Variants in DDX60L observed in about 807,000 individuals in gnomAD.
DDX60L encodes the protein DExD/H-box 60 like.
Under a neutral mutation model 211.6 loss-of-function variants are expected in DDX60L, and 191 were observed. The observed-to-expected ratio is 0.90, with a 90% CI of 0.80 to 1.02. The LOEUF (loss-of-function observed/expected upper bound fraction) is 1.02, where lower values mean the gene tolerates loss of function less well. Ranked by LOEUF, DDX60L falls within the 50% of genes least tolerant of loss-of-function variation. The pLI is 0.00. For synonymous variants in DDX60L, 706 were observed against 694.1 expected, an observed-to-expected ratio of 1.02 and a Z score of -0.27; for missense variants, 2,007 against 1,984.1, an observed-to-expected ratio of 1.01 and a Z score of -0.22.
At chr4:168,417,906 C>T (rs1749847457) in intron 19 of DDX60L, among the ~76,000 whole-genome samples, 16 of 152,192 alleles carry the variant, frequency 1.1e-4, no homozygotes, top group Admixed American at 1.0e-3. Context: ...CATATCCCTT[C>T]TGACTTTGAT....
chr4:168,362,063 G>A (rs1378256212), intron 36 of DDX60L, among the ~76,000 whole-genome samples: 1 of 152,238 alleles, frequency 6.6e-6, no homozygotes, highest in African/African-American at 2.4e-5. Flanking sequence ...CAGGTGGCCA[G>A]GCCACTGCAC....
At position 168,465,454 on chromosome 4, in the gene DDX60L, C is replaced by T. The variant is rs376385432; in HGVS notation, c.265-3414G>A. On this transcript the variant is annotated intron_variant, in intron 4 of 37. Transcript: ENST00000682922. ...TTCCCATTCTGAAGGTGTCTCTTTA[C>T]TCTGTTGATTATTTCCTTTCCTGTG... is the stretch of plus-strand genomic sequence containing the variant. Among the ~76,000 whole-genome samples the T allele has an allele frequency of 5.9e-5, 9 of 152,156 alleles. No individual in the cohort carries two copies. The East Asian group carries it at 1.2e-3, about 20-fold the overall frequency.
At chr4:168,442,174 G>C (rs1198100842) in intron 9 of DDX60L, among the ~76,000 whole-genome samples, 1 of 152,148 alleles carries the variant, frequency 6.6e-6, no homozygotes, top group Non-Finnish European at 1.5e-5. Context: ...AGCAGGGCGA[G>C]GCATTGCCTC....
Position 168,454,066 on chromosome 4 carries a change from C to T in DDX60L, c.838-784G>A, listed in dbSNP as rs190960717. Among the ~76,000 whole-genome samples the T allele has an allele frequency of 8.7e-4, 132 of 152,178 alleles. 1 individual carries two copies. The highest frequency in any genetic ancestry group is 2.7e-3 in the South Asian group (13 of 4,822). ...AGAAATCAGCTTTTATACCCAGAAC[C>T]CTATGATGGGTGCTATTCACACTCC... On this transcript the variant is annotated intron_variant, in intron 7 of 37. Transcript: ENST00000682922.
At chr4:168,428,324 G>A (rs1245156071) in intron 13 of DDX60L, among the ~76,000 whole-genome samples, 1 of 152,046 alleles carries the variant, frequency 6.6e-6, no homozygotes, top group Non-Finnish European at 1.5e-5. Flanking sequence ...AACCTACAGT[G>A]TAATCAGTGA....
At position 168,447,665 on chromosome 4, in the gene DDX60L, G is replaced by A. The variant is rs1487004191; in HGVS notation, c.1138+973C>T. ...ATGATAGACTGGATTAAGAAAATGC[G>A]GCACATATACACCATGGAATACTAT... is the stretch of plus-strand genomic sequence containing the variant. On this transcript the variant is annotated intron_variant, in intron 9 of 37. Transcript: ENST00000682922. Among the ~76,000 whole-genome samples the A allele has an allele frequency of 1.4e-4, 21 of 151,170 alleles. No individual in the cohort carries two copies. The East Asian group carries it at 3.1e-3, about 22-fold the overall frequency.
intron 36 of DDX60L, 56 bp downstream of exon 36, chr4:168,371,555 TA>T: frequency 1.0e-6 from 1 of 980,554 alleles, no homozygotes; most frequent in Non-Finnish European, 1.5e-6. Flanking sequence ...TATACAATAA[TA>T]AAACATAGAT....
At chr4:168,400,623 C>T (rs758692049) in intron 26 of DDX60L, among the ~76,000 whole-genome samples, 22 of 152,116 alleles carry the variant, frequency 1.4e-4, no homozygotes, top group Non-Finnish European at 2.9e-4. Context: ...CCCACCTCCC[C>T]GATTCCTAAA....
intron 36 of DDX60L, among the ~76,000 whole-genome samples, chr4:168,367,427 A>G (rs1341878863): frequency 6.6e-6 from 1 of 152,200 alleles, no homozygotes; most frequent in Non-Finnish European, 1.5e-5. Flanking sequence ...ACCTTCTGCC[A>G]TGATGGTAAG....
In DDX60L at chr4:168,379,515, G is replaced by A. The variant is rs1199338300; in HGVS notation, c.4222-11C>T. On this transcript the variant is annotated splice_polypyrimidine_tract_variant and intron_variant, in intron 31 of 37. Coordinates refer to ENST00000682922, the MANE Select transcript of DDX60L (RefSeq NM_001012967.3). ...TTTATTTAAATAGTCCTAAAAATGAGAAACAAAAAGTTGATTTAACTTGTC... is the reference window on the plus strand; with the variant it reads ...TTTATTTAAATAGTCCTAAAAATGAAAAACAAAAAGTTGATTTAACTTGTC... 6.5e-7 allele frequency: 1 copy of A among 1,535,688 alleles called. No homozygotes were observed. The highest frequency in any genetic ancestry group is 2.3e-5 in the Admixed American group (1 of 43,418).
chr4:168,379,609 A>C, intron 31 of DDX60L, 105 bp from the exon 32 acceptor site: 10 of 1,187,668 alleles, frequency 8.4e-6, no homozygotes, highest in Non-Finnish European at 1.2e-5. Context: ...ATTTATTAAT[A>C]AATGATAAGT....
chr4:168,432,323 T>G (rs1471664831), intron 12 of DDX60L, 132 bp downstream of exon 12: 2 of 207,248 alleles, frequency 9.7e-6, no homozygotes, highest in African/African-American at 4.8e-5. Context: ...AAAATATATA[T>G]TATATATAAT....
intron 13 of DDX60L, among the ~76,000 whole-genome samples, chr4:168,428,278 T>A (rs1400958583): frequency 6.6e-6 from 1 of 152,064 alleles, no homozygotes; most frequent in Non-Finnish European, 1.5e-5. Flanking sequence ...GACCCTTAAA[T>A]AGCTCTAGGA....
intron 32 of DDX60L, among the ~76,000 whole-genome samples, chr4:168,378,814 T>C (rs1742419365): frequency 6.6e-6 from 1 of 152,126 alleles, no homozygotes; most frequent in African/African-American, 2.4e-5. Flanking sequence ...TATAAACATA[T>C]CCCTCCTTTA....
intron 14 of DDX60L, among the ~76,000 whole-genome samples, chr4:168,426,590 C>A (rs1002162868): frequency 2.6e-5 from 4 of 152,202 alleles, no homozygotes; most frequent in Non-Finnish European, 5.9e-5. Context: ...CAAGCCTGTT[C>A]ACTATACAAA....
rs1286638338 is a variant in DDX60L at position 168,421,921 on chromosome 4, A to G, written c.2245-12T>C. On this transcript the variant is annotated splice_polypyrimidine_tract_variant and intron_variant, in intron 16 of 37. Coordinates refer to ENST00000682922, the MANE Select transcript of DDX60L (RefSeq NM_001012967.3). ...TCCAGGAGTTCCTGCTGCAGGGTAC[A>G]AAGCACCATTTGTGTCAAGAAAGTG... is the stretch of plus-strand genomic sequence containing the variant. The G allele has an allele frequency of 1.2e-6, 2 of 1,614,046 alleles. No individual in the cohort carries two copies. The highest frequency in any genetic ancestry group is 1.7e-6 in the Non-Finnish European group (2 of 1,179,934).
intron 13 of DDX60L, among the ~76,000 whole-genome samples, chr4:168,430,014 A>C (rs1752103465): frequency 6.6e-6 from 1 of 152,180 alleles, no homozygotes; most frequent in Non-Finnish European, 1.5e-5. Flanking sequence ...CCTGGCCAAC[A>C]GGAAGAAACC....
At chr4:168,359,030 T>A (rs1738655444) in intron 37 of DDX60L, among the ~76,000 whole-genome samples, 1 of 152,242 alleles carries the variant, frequency 6.6e-6, no homozygotes, top group Non-Finnish European at 1.5e-5. Flanking sequence ...CCTATCCATA[T>A]ATCTTAGGAT....
rs2634973 is a variant in DDX60L at position 168,421,864 on chromosome 4, C to T, written c.2290G>A (p.Val764Ile). 274 of 1,614,180 alleles carry T rather than the reference C, an allele frequency of 1.7e-4. No homozygotes were observed. In the African/African-American group the frequency reaches 3.2e-3, roughly 19 times the overall value. The part of the protein sequence containing the change: ...VVDKNESAVI[V>I]APTSSGKTYA... Reference sequence around the variant, plus strand: ...GTTTTGCCTGAGGACGTTGGGGCAACAATCACTGCTGACTCATTCTTATCT... The same window carrying T: ...GTTTTGCCTGAGGACGTTGGGGCAATAATCACTGCTGACTCATTCTTATCT... Residue 764 changes from valine to isoleucine, a missense_variant, in exon 17 of 38, where the codon GTT becomes ATT. Coordinates refer to ENST00000682922, the MANE Select transcript of DDX60L (RefSeq NM_001012967.3).
Sources: gnomAD v4.1 joint callset for allele counts (sites outside exome capture counted in the v4.1 genomes callset) on GRCh38, gnomAD v4.1.1 for gene constraint, MANE v1.5 for transcripts, NCBI Gene and HGNC (gene_info 2026-07-23, HGNC 2026-07-21) for gene names.